ACBD6: variants seen among roughly 807,000 people sequenced by gnomAD.
ACBD6 encodes the protein acyl-CoA binding domain containing 6.
ACBD6 carries 28 observed loss-of-function variants against 37.2 expected under a neutral mutation model. The observed-to-expected ratio is 0.75, with a 90% CI of 0.56 to 1.03. ACBD6 has a LOEUF of 1.03. Among genes scored for constraint, ACBD6 ranks in the 50% least tolerant of loss-of-function variants. The pLI is 0.00. For synonymous variants in ACBD6, 113 were observed against 126.8 expected (o/e 0.89, Z 0.73); for missense variants, 340 against 337.4 (o/e 1.01, Z -0.06).
At position 180,377,833 on chromosome 1, in the gene ACBD6, G is replaced by T. The variant is rs1653492425; in HGVS notation, c.663+19683C>A. Among the ~76,000 whole-genome samples the T allele has an allele frequency of 2.0e-5, 3 of 152,032 alleles. No individual in the cohort carries two copies. The South Asian group carries it at 6.2e-4, about 32-fold the overall frequency. ...ATGGTGGCACATGCCTGTAACCCCA[G>T]CTACTCGGGAGGCCAAGGCAGGAGA... On this transcript the variant is annotated intron_variant, in intron 6 of 7. Transcript: ENST00000367595.
intron 3 of ACBD6, among the ~76,000 whole-genome samples, chr1:180,441,313 T>C (rs1447363911): frequency 1.3e-5 from 2 of 152,224 alleles, no homozygotes; most frequent in East Asian, 3.8e-4. Flanking sequence ...CTTTTCCATA[T>C]GTCTATCCTT....
chr1:180,411,768 C>T (rs1355594379), intron 5 of ACBD6, among the ~76,000 whole-genome samples: 3 of 152,060 alleles, frequency 2.0e-5, no homozygotes, highest in Non-Finnish European at 2.9e-5. Context: ...CAGGTTCAAG[C>T]GTTTCTCCTA....
chr1:180,334,430 T>C (rs1651621033), intron 6 of ACBD6, among the ~76,000 whole-genome samples: 2 of 152,018 alleles, frequency 1.3e-5, no homozygotes, highest in African/African-American at 4.8e-5. Flanking sequence ...TCCAGTAAAC[T>C]CCTACAGACC....
At chr1:180,481,639 C>A (rs1266496893) in intron 3 of ACBD6, among the ~76,000 whole-genome samples, 1 of 152,144 alleles carries the variant, frequency 6.6e-6, no homozygotes, top group African/African-American at 2.4e-5. Context: ...TATCTATATG[C>A]TCTAAAAATG....
intron 6 of ACBD6, among the ~76,000 whole-genome samples, chr1:180,315,760 AG>A (rs1212259907): frequency 1.3e-5 from 2 of 152,120 alleles, no homozygotes; most frequent in Admixed American, 6.6e-5. Flanking sequence ...AAGTCATGGC[AG>A]GGGGACAACC....
chr1:180,493,710 G>A (rs1420312227), intron 2 of ACBD6, among the ~76,000 whole-genome samples: 1 of 152,094 alleles, frequency 6.6e-6, no homozygotes, highest in South Asian at 2.1e-4. Flanking sequence ...AGATTTTCCT[G>A]ATTGTCCCAA....
chr1:180,431,234 T>C (rs562803574), intron 3 of ACBD6, among the ~76,000 whole-genome samples: 1 of 152,170 alleles, frequency 6.6e-6, no homozygotes. Context: ...GGAGATAGCA[T>C]ATTCTATCTG....
At chr1:180,485,101 T>C (rs1487666740) in intron 3 of ACBD6, among the ~76,000 whole-genome samples, 1 of 151,728 alleles carries the variant, frequency 6.6e-6, no homozygotes, top group African/African-American at 2.4e-5. Flanking sequence ...TGTGTGTATC[T>C]ATAGATACAT....
chr1:180,469,239 C>T (rs1231472333), intron 3 of ACBD6, among the ~76,000 whole-genome samples: 1 of 152,166 alleles, frequency 6.6e-6, no homozygotes, highest in Non-Finnish European at 1.5e-5. Context: ...AACCCATCCC[C>T]TAACTCTCCC....
rs145543153 is a variant in ACBD6, at chr1:180,431,157, G to GTT, written c.385-897_385-896dup. Among the ~76,000 whole-genome samples the GTT allele has an allele frequency of 6.9e-4, 102 of 147,892 alleles. 1 individual carries two copies. The highest frequency in any genetic ancestry group is 1.1e-3 in the African/African-American group (43 of 40,382). ...AGTACTTAAGAGAAGTACGAGTTTT[G>GTT]TTTTGTTTTTTAATTGTTTGTTTCA... On this transcript the variant is annotated intron_variant, in intron 3 of 7. Transcript: ENST00000367595.
At position 180,301,256 on chromosome 1, in the gene ACBD6, G is replaced by C. The variant is rs530554209; in HGVS notation, c.695-12739C>G. Among the ~76,000 whole-genome samples, 6 of 152,244 alleles carry C rather than the reference G, an allele frequency of 3.9e-5. No homozygotes were observed. The East Asian group carries it at 1.2e-3, about 29-fold the overall frequency. On this transcript the variant is annotated intron_variant, in intron 7 of 7. Coordinates refer to ENST00000367595, the MANE Select transcript of ACBD6 (RefSeq NM_032360.4). The stretch of plus-strand genomic sequence containing the variant: ...GAGTACCAAAATCATATACAGTTGA[G>C]TCTTGAACAACATGGGGGTTAGGTG...
chr1:180,464,035 G>A (rs542674717), intron 3 of ACBD6, among the ~76,000 whole-genome samples: 1 of 152,160 alleles, frequency 6.6e-6, no homozygotes, highest in South Asian at 2.1e-4. Context: ...AATAAACTAG[G>A]TGTTGAAGAA....
intron 3 of ACBD6, among the ~76,000 whole-genome samples, chr1:180,479,628 G>A (rs918627708): frequency 1.3e-5 from 2 of 152,078 alleles, no homozygotes; most frequent in African/African-American, 2.4e-5. Context: ...ACAGATACCC[G>A]AAATGCCCTG....
intron 6 of ACBD6, among the ~76,000 whole-genome samples, chr1:180,356,995 G>A (rs1198983493): frequency 6.6e-6 from 1 of 151,974 alleles, no homozygotes; most frequent in Non-Finnish European, 1.5e-5. Context: ...AGGAAGAGAA[G>A]ATTACATTAT....
chr1:180,362,871 G>A (rs1652899929), intron 6 of ACBD6, among the ~76,000 whole-genome samples: 1 of 152,204 alleles, frequency 6.6e-6, no homozygotes, highest in African/African-American at 2.4e-5. Flanking sequence ...CAAAGAGCCT[G>A]CCATTGGCTT....
At chr1:180,359,286 T>C (rs1042229456) in intron 6 of ACBD6, among the ~76,000 whole-genome samples, 1 of 152,218 alleles carries the variant, frequency 6.6e-6, no homozygotes, top group African/African-American at 2.4e-5. Flanking sequence ...ATTCAACGTA[T>C]ATTTTTTAAA....
chr1:180,335,386 C>T (rs1383737080), intron 6 of ACBD6, among the ~76,000 whole-genome samples: 1 of 152,046 alleles, frequency 6.6e-6, no homozygotes, highest in Non-Finnish European at 1.5e-5. Flanking sequence ...AATTTTCAAC[C>T]CAGAATTTCA....
At chr1:180,422,746 A>G (rs1648420543) in intron 4 of ACBD6, among the ~76,000 whole-genome samples, 1 of 152,144 alleles carries the variant, frequency 6.6e-6, no homozygotes, top group African/African-American at 2.4e-5. Context: ...ATGATAAAAT[A>G]CTCAAAAACC....
intron 6 of ACBD6, among the ~76,000 whole-genome samples, chr1:180,367,522 TCTCC>T (rs1415473904): frequency 6.6e-6 from 1 of 152,074 alleles, no homozygotes. Context: ...TTTCTTCTCC[TCTCC>T]CTCCTCCCAC....
Sources: allele counts gnomAD v4.1 joint callset (sites outside exome capture counted in the v4.1 genomes callset), GRCh38; gene constraint gnomAD v4.1.1; transcripts MANE v1.5; gene names NCBI Gene and HGNC (gene_info 2026-07-23, HGNC 2026-07-21).